Variants in STAU1 observed in about 807,000 individuals in gnomAD.
STAU1 encodes staufen double-stranded RNA binding protein 1.
In STAU1, 13 loss-of-function variants were observed where a neutral mutation model predicts 62.9. The observed-to-expected ratio is 0.21, with a 90% CI of 0.13 to 0.33. STAU1 has a LOEUF of 0.33. Among genes scored for constraint, STAU1 ranks in the 10% least tolerant of loss-of-function variants. The pLI is 1.00. For missense variants in STAU1, 571 were observed against 712.1 expected (o/e 0.80, Z 2.25); for synonymous variants, 269 against 265.1 (o/e 1.01, Z -0.14).
chr20:49,204,958 G>A, the STAU1 span, among the ~76,000 whole-genome samples: 1 of 151,152 alleles, frequency 6.6e-6, no homozygotes, highest in Non-Finnish European at 1.5e-5. Context: ...CCCACTCCTG[G>A]TCTTTTTCTC....
intron 5 of STAU1, among the ~76,000 whole-genome samples, chr20:49,150,412 A>G (rs1326774871): frequency 2.0e-5 from 3 of 151,302 alleles, no homozygotes; most frequent in Non-Finnish European, 4.4e-5. Flanking sequence ...CTGAGGCTGG[A>G]GTGCAGTGGC....
At chr20:49,138,940 G>A (rs1053843646) in intron 5 of STAU1, among the ~76,000 whole-genome samples, 1 of 152,028 alleles carries the variant, frequency 6.6e-6, no homozygotes, top group Non-Finnish European at 1.5e-5. Flanking sequence ...TTACAGGTTG[G>A]TGCAAAAGTA....
intron 1 of STAU1, among the ~76,000 whole-genome samples, chr20:49,183,522 A>G (rs2093751788): frequency 1.3e-5 from 2 of 152,212 alleles, no homozygotes; most frequent in South Asian, 2.1e-4. Flanking sequence ...CCTTTTCATG[A>G]AAGTTTCATC....
At chr20:49,114,955 TA>T (rs2092277577) in intron 13 of STAU1, 62 bp from the exon 14 acceptor site, 7 of 1,547,088 alleles carry the variant, frequency 4.5e-6, no homozygotes, top group Admixed American at 1.7e-5. Context: ...AAAGTACTGT[TA>T]AAAATGAAAA....
chr20:49,115,923 AAT>A, intron 12 of STAU1, 56 bp from the exon 13 acceptor site: 3 of 1,495,838 alleles, frequency 2.0e-6, no homozygotes, highest in Non-Finnish European at 2.8e-6. Flanking sequence ...ACCACAGCAT[AAT>A]ACACTGGTCA....
intron 6 of STAU1, among the ~76,000 whole-genome samples, chr20:49,125,071 TAAAA>T (rs11473077): frequency 6.0e-5 from 5 of 83,846 alleles, no homozygotes; most frequent in African/African-American, 8.8e-5. Flanking sequence ...ACACATTAAG[TAAAA>T]AAAAAAAAAA....
At chr20:49,210,473 T>C in the STAU1 span, 1 of 455,602 alleles carries the variant, frequency 2.2e-6, no homozygotes. Context: ...CTCTCTCTCC[T>C]TTTTTTCCTC....
the STAU1 span, among the ~76,000 whole-genome samples, chr20:49,209,146 AG>A: frequency 6.6e-6 from 1 of 150,680 alleles, no homozygotes; most frequent in Non-Finnish European, 1.5e-5. Flanking sequence ...TGTTGGCCAG[AG>A]TGGTGTCGAA....
chr20:49,123,060 G>A, intron 8 of STAU1, 32 bp downstream of exon 8: 1 of 1,546,018 alleles, frequency 6.5e-7, no homozygotes, highest in Non-Finnish European at 8.7e-7. Flanking sequence ...CGTGGTCAGA[G>A]GAAGGGGCGC....
upstream of STAU1, among the ~76,000 whole-genome samples, chr20:49,190,325 CCTAA>C (rs2093829633): frequency 6.6e-6 from 1 of 152,130 alleles, no homozygotes; most frequent in African/African-American, 2.4e-5. Flanking sequence ...CGCTCTGTCA[CCTAA>C]CTAGAGTGCA....
rs139975919 is a variant in STAU1, at chr20:49,155,666, T to C, written c.206-1595A>G. On this transcript the variant is annotated intron_variant, in intron 3 of 13. Coordinates refer to ENST00000371856, the MANE Select transcript of STAU1 (RefSeq NM_017453.4). Reference sequence around the variant, plus strand: ...TGAATCAAATCTATAAGAATATCTTTGGGGTTTGCACAGAGGGCCACATGA... The same window carrying C: ...TGAATCAAATCTATAAGAATATCTTCGGGGTTTGCACAGAGGGCCACATGA... Among the ~76,000 whole-genome samples, 528 of 152,352 alleles carry C rather than the reference T, an allele frequency of 3.5e-3. 3 individuals are homozygous for C. The highest frequency in any genetic ancestry group is 0.012 in the African/African-American group (511 of 41,590).
At chr20:49,154,161 T>C (rs992003788) in intron 3 of STAU1, 90 bp from the exon 4 acceptor site, 47 of 1,358,686 alleles carry the variant, frequency 3.5e-5, no homozygotes, top group African/African-American at 4.4e-5. Context: ...TTTCTGCTAA[T>C]TGGATTCATG....
intron 6 of STAU1, 84 bp downstream of exon 6, chr20:49,135,749 T>C (rs1285999098): frequency 3.1e-6 from 3 of 979,448 alleles, no homozygotes; most frequent in Non-Finnish European, 4.6e-6. Flanking sequence ...ATTATTCCAA[T>C]GATATTTAGG....
At chr20:49,218,898 T>G in the STAU1 span, among the ~76,000 whole-genome samples, 1 of 148,766 alleles carries the variant, frequency 6.7e-6, no homozygotes, top group Non-Finnish European at 1.5e-5. Flanking sequence ...CGCCTGTACC[T>G]CCAGTTACTC....
At chr20:49,124,969 C>A (rs892349805) in intron 6 of STAU1, among the ~76,000 whole-genome samples, 9 of 150,598 alleles carry the variant, frequency 6.0e-5, no homozygotes, top group African/African-American at 2.2e-4. Context: ...GAGCCTCCAG[C>A]CAGGACTAGG....
intron 5 of STAU1, among the ~76,000 whole-genome samples, chr20:49,149,693 C>T (rs1189480712): frequency 6.6e-6 from 1 of 152,162 alleles, no homozygotes. Context: ...TTAGTTACAG[C>T]CTCATTTTCT....
At chr20:49,175,324 CCT>C (rs1230661889) in intron 1 of STAU1, among the ~76,000 whole-genome samples, 1 of 151,430 alleles carries the variant, frequency 6.6e-6, no homozygotes, top group African/African-American at 2.4e-5. Flanking sequence ...GAGTGAGACT[CCT>C]CTGGGAAAAA....
At chr20:49,194,057 T>G in the STAU1 span, among the ~76,000 whole-genome samples, 1 of 152,112 alleles carries the variant, frequency 6.6e-6, no homozygotes, top group Non-Finnish European at 1.5e-5. Context: ...AGGTAGCTTC[T>G]GGGGCAGGGG....
rs1190977614 is a variant in STAU1, at chr20:49,117,076, C to T, written c.1632+50G>A. The T allele has an allele frequency of 2.5e-6, 4 of 1,605,902 alleles. No individual in the cohort carries two copies. In the South Asian group the frequency reaches 3.3e-5, roughly 13 times the overall value. The stretch of plus-strand genomic sequence containing the variant: ...TAGTAACAAGCTGAACCAAGGCAGG[C>T]TCCACATAAACACACAACACCCCAA... On this transcript the variant is annotated intron_variant, in intron 12 of 13. Transcript: ENST00000371856. This position sits in a 1 kb window ranked among gnomAD's most constrained non-coding sequence, Gnocchi z 4.6.
Sources: allele counts gnomAD v4.1 joint callset (sites outside exome capture counted in the v4.1 genomes callset), GRCh38; gene constraint gnomAD v4.1.1; non-coding constraint Gnocchi (gnomAD v3.1); transcripts MANE v1.5; gene names NCBI Gene and HGNC (gene_info 2026-07-23, HGNC 2026-07-21).